Variants in RIMS2 observed in about 807,000 individuals in gnomAD.
The protein encoded by RIMS2 is regulating synaptic membrane exocytosis 2, also known as regulating synaptic membrane exocytosis protein 2.
RIMS2 carries 59 observed loss-of-function variants against 174.4 expected under a neutral mutation model. That is an observed-to-expected ratio of 0.34 (90% confidence interval 0.27 to 0.42). RIMS2 has a LOEUF of 0.42. Among genes scored for constraint, RIMS2 ranks in the 10% least tolerant of loss-of-function variants. The probability of loss-of-function intolerance (pLI) is 1.00; values close to 1 mark genes in which losing one functional copy is unlikely to be tolerated. For synonymous variants in RIMS2, 606 were observed against 572.5 expected, an observed-to-expected ratio of 1.06 and a Z score of -0.84; for missense variants, 1,620 against 1,666.3, an observed-to-expected ratio of 0.97 and a Z score of 0.48.
intron 1 of RIMS2, among the ~76,000 whole-genome samples, chr8:103,551,108 A>G (rs867527283): frequency 6.6e-6 from 1 of 152,230 alleles, no homozygotes; most frequent in Admixed American, 6.5e-5. Flanking sequence ...TGAGGCCAGC[A>G]TCATCCTGAT....
At chr8:103,615,996 AG>A (rs1279368589) in intron 1 of RIMS2, among the ~76,000 whole-genome samples, 4 of 152,178 alleles carry the variant, frequency 2.6e-5, no homozygotes. Context: ...ATCGAGGAGA[AG>A]GGACATCTCC....
intron 19 of RIMS2, among the ~76,000 whole-genome samples, chr8:104,129,435 C>G (rs1178091556): frequency 6.6e-6 from 1 of 152,130 alleles, no homozygotes; most frequent in Non-Finnish European, 1.5e-5. Context: ...TCTTGACATC[C>G]CACTGTAGGC....
intron 3 of RIMS2, among the ~76,000 whole-genome samples, chr8:103,851,113 A>G (rs1462290860): frequency 6.6e-6 from 1 of 152,016 alleles, no homozygotes; most frequent in African/African-American, 2.4e-5. Flanking sequence ...TGCTTAGAGA[A>G]CAACTATTAA....
chr8:103,970,754 C>G (rs1271412851), intron 15 of RIMS2, among the ~76,000 whole-genome samples: 2 of 152,180 alleles, frequency 1.3e-5, no homozygotes, highest in Non-Finnish European at 2.9e-5. Flanking sequence ...TGTGTCATCC[C>G]TCTTTTACAG....
At chr8:103,584,169 A>C (rs148918489) in intron 1 of RIMS2, among the ~76,000 whole-genome samples, 6 of 152,204 alleles carry the variant, frequency 3.9e-5, no homozygotes, top group Non-Finnish European at 8.8e-5. Context: ...TTTACAGGCC[A>C]GGAGCGAGTT....
chr8:103,578,450 G>C (rs901389214), intron 1 of RIMS2, among the ~76,000 whole-genome samples: 2 of 151,990 alleles, frequency 1.3e-5, no homozygotes, highest in African/African-American at 4.8e-5. Context: ...AGAATCATTT[G>C]AGCCTGGGAG....
In RIMS2 at chr8:104,082,321, G is replaced by A. The variant is rs141994123; in HGVS notation, c.3334+67706G>A. Among the ~76,000 whole-genome samples the A allele has an allele frequency of 7.6e-3, 1,152 of 152,156 alleles. 14 individuals are homozygous for A. Among genetic ancestry groups the A allele is most frequent in the African/African-American group, 0.026 (1,081 of 41,538 alleles). ...GAGTTCACTATCAAATTAGAGAAAC[G>A]CATGTACATAAGTAATGATGGTACA... is the stretch of plus-strand genomic sequence containing the variant. On this transcript the variant is annotated intron_variant, in intron 19 of 23. Coordinates refer to ENST00000504942, the Ensembl canonical transcript of RIMS2.
At chr8:104,179,371 T>G (rs746828906) in intron 19 of RIMS2, among the ~76,000 whole-genome samples, 8 of 152,018 alleles carry the variant, frequency 5.3e-5, no homozygotes, top group Non-Finnish European at 1.0e-4. Context: ...TTCTTCATAC[T>G]TATGCTTATT....
At chr8:104,086,185 G>A (rs568787298) in intron 19 of RIMS2, among the ~76,000 whole-genome samples, 8 of 150,802 alleles carry the variant, frequency 5.3e-5, no homozygotes, top group Non-Finnish European at 7.4e-5. Flanking sequence ...AAATTTTCAA[G>A]AAGGGAGGGG....
At chr8:103,857,289 G>T (rs1053913931) in intron 3 of RIMS2, among the ~76,000 whole-genome samples, 3 of 152,100 alleles carry the variant, frequency 2.0e-5, no homozygotes, top group Non-Finnish European at 2.9e-5. Context: ...TGAGCTATTT[G>T]CTTATTTTGT....
chr8:104,075,362 G>A (rs2097269234), intron 19 of RIMS2, among the ~76,000 whole-genome samples: 1 of 152,170 alleles, frequency 6.6e-6, no homozygotes, highest in African/African-American at 2.4e-5. Context: ...TTCTTCTTTG[G>A]AATAAGCAAT....
At chr8:103,748,249 C>CT (rs1367085859) in intron 2 of RIMS2, among the ~76,000 whole-genome samples, 2 of 151,814 alleles carry the variant, frequency 1.3e-5, no homozygotes, top group Admixed American at 6.6e-5. Flanking sequence ...CAAGACTAGA[C>CT]TGGGAAACAT....
chr8:103,908,277 G>A (rs1382522582), intron 4 of RIMS2, among the ~76,000 whole-genome samples: 4 of 152,094 alleles, frequency 2.6e-5, no homozygotes, highest in Non-Finnish European at 4.4e-5. Flanking sequence ...TCTTGACCTC[G>A]TGATCCGTCT....
chr8:103,516,910 T>C (rs933757747), intron 1 of RIMS2, among the ~76,000 whole-genome samples: 3 of 152,180 alleles, frequency 2.0e-5, no homozygotes, highest in African/African-American at 7.2e-5. Context: ...CTTATACATG[T>C]TTAAGTCTGC....
At chr8:103,861,621 C>T (rs1417536878) in intron 3 of RIMS2, among the ~76,000 whole-genome samples, 1 of 152,154 alleles carries the variant, frequency 6.6e-6, no homozygotes, top group African/African-American at 2.4e-5. Context: ...ACCCTATTCT[C>T]TGCATCCTTG....
intron 1 of RIMS2, among the ~76,000 whole-genome samples, chr8:103,586,011 A>C (rs1015125427): frequency 1.3e-5 from 2 of 152,138 alleles, no homozygotes; most frequent in African/African-American, 4.8e-5. Context: ...AGGTTGCTAT[A>C]AAATGATAAA....
intron 19 of RIMS2, among the ~76,000 whole-genome samples, chr8:104,100,401 T>C (rs1343770907): frequency 1.3e-5 from 2 of 152,104 alleles, no homozygotes; most frequent in East Asian, 3.9e-4. Context: ...TAAAGATAGT[T>C]TTACTTTCTC....
intron 3 of RIMS2, among the ~76,000 whole-genome samples, chr8:103,780,763 G>T (rs1162199326): frequency 1.3e-5 from 2 of 152,050 alleles, no homozygotes; most frequent in African/African-American, 2.4e-5. Context: ...TCCATTTGGA[G>T]AGATAATGGT....
chr8:103,948,972 A>AAT (rs2084550366), intron 14 of RIMS2, among the ~76,000 whole-genome samples: 1 of 151,292 alleles, frequency 6.6e-6, no homozygotes, highest in African/African-American at 2.4e-5. Context: ...CAAAAAAAAA[A>AAT]AATAATTAGC....
Sources: allele counts gnomAD v4.1 joint callset (sites outside exome capture counted in the v4.1 genomes callset), GRCh38; gene constraint gnomAD v4.1.1; transcripts MANE v1.5; gene names NCBI Gene and HGNC (gene_info 2026-07-23, HGNC 2026-07-21).